Variants in HIBADH observed in about 807,000 individuals in gnomAD.
The protein encoded by HIBADH is 3-hydroxyisobutyrate dehydrogenase, also known as 3-hydroxyisobutyrate dehydrogenase, mitochondrial.
In HIBADH, 25 loss-of-function variants were observed where a neutral mutation model predicts 36.1. That is an observed-to-expected ratio of 0.69 (90% CI 0.50 to 0.97). The LOEUF (loss-of-function observed/expected upper bound fraction) is 0.97. Ranked by LOEUF, HIBADH falls within the 50% of genes least tolerant of loss-of-function variation. The pLI is 0.00. For synonymous variants in HIBADH, 160 were observed against 149.5 expected (o/e 1.07, Z -0.51); for missense variants, 421 against 418.0 (o/e 1.01, Z -0.06).
intron 4 of HIBADH, among the ~76,000 whole-genome samples, chr7:27,596,915 G>A (rs1785042624): frequency 6.6e-6 from 1 of 151,900 alleles, no homozygotes; most frequent in African/African-American, 2.4e-5. Context: ...TATATGAAAA[G>A]ATATATGAAA....
chr7:27,628,481 T>C (rs1785687343), intron 4 of HIBADH, among the ~76,000 whole-genome samples: 1 of 152,124 alleles, frequency 6.6e-6, no homozygotes, highest in Non-Finnish European at 1.5e-5. Context: ...TACACAGTAA[T>C]TTTGGAAAAC....
intron 6 of HIBADH, 46 bp from the exon 7 acceptor site, chr7:27,531,394 C>G: frequency 6.5e-7 from 1 of 1,540,040 alleles, no homozygotes; most frequent in Non-Finnish European, 8.8e-7. Flanking sequence ...AAAATGTACA[C>G]GTCGTGCGTG....
intron 6 of HIBADH, among the ~76,000 whole-genome samples, chr7:27,534,832 T>A (rs1784049958): frequency 6.6e-6 from 1 of 151,744 alleles, no homozygotes; most frequent in Admixed American, 6.6e-5. Flanking sequence ...TATCGACACC[T>A]ACTATGTGCC....
rs187543750 is a variant in HIBADH at position 27,619,061 on chromosome 7, A to G, written c.484+10310T>C. Among the ~76,000 whole-genome samples the G allele has an allele frequency of 3.3e-4, 51 of 152,318 alleles. 1 individual carries two copies. The highest frequency in any genetic ancestry group is 2.4e-3 in the Admixed American group (37 of 15,304). ...CTGTATCAATTGCCCTGGGGAACAA[A>G]GCATGCACAGCCCACTGCTGCCACC... is the stretch of plus-strand genomic sequence containing the variant. On this transcript the variant is annotated intron_variant, in intron 4 of 7. Coordinates refer to ENST00000265395, the MANE Select transcript of HIBADH (RefSeq NM_152740.4).
At chr7:27,548,222 G>A (rs1000987149) in intron 4 of HIBADH, among the ~76,000 whole-genome samples, 3 of 150,104 alleles carry the variant, frequency 2.0e-5, no homozygotes, top group Non-Finnish European at 4.4e-5. Flanking sequence ...TATCATAGAG[G>A]ACTCCATTTG....
chr7:27,534,082 C>T (rs907685850), intron 6 of HIBADH, among the ~76,000 whole-genome samples: 5 of 152,130 alleles, frequency 3.3e-5, no homozygotes, highest in African/African-American at 4.8e-5. Context: ...CTCAAATAAA[C>T]GTCACTGTGT....
chr7:27,563,444 G>A (rs1784496839), intron 4 of HIBADH, among the ~76,000 whole-genome samples: 1 of 152,192 alleles, frequency 6.6e-6, no homozygotes, highest in Admixed American at 6.5e-5. Context: ...ACTTAGATAA[G>A]TGTATGTTTA....
intron 4 of HIBADH, among the ~76,000 whole-genome samples, chr7:27,617,342 C>T (rs2128292762): frequency 6.6e-6 from 1 of 152,284 alleles, no homozygotes; most frequent in South Asian, 2.1e-4. Flanking sequence ...TGTGTAAGTA[C>T]ACTCTATGAT....
intron 1 of HIBADH, among the ~76,000 whole-genome samples, chr7:27,655,594 A>G (rs989357245): frequency 1.4e-5 from 2 of 142,048 alleles, no homozygotes; most frequent in African/African-American, 5.0e-5. Flanking sequence ...TATCACAAAC[A>G]GATAAAATAC....
chr7:27,609,045 T>C (rs1785280759), intron 4 of HIBADH, among the ~76,000 whole-genome samples: 1 of 152,212 alleles, frequency 6.6e-6, no homozygotes, highest in African/African-American at 2.4e-5. Flanking sequence ...GATAAAGGAA[T>C]TGCAAACTGC....
intron 4 of HIBADH, among the ~76,000 whole-genome samples, chr7:27,576,406 C>A (rs576639992): frequency 3.5e-4 from 53 of 152,262 alleles, no homozygotes; most frequent in African/African-American, 1.1e-3. Context: ...ATGCAAAGTA[C>A]ACAAAACCAT....
chr7:27,578,981 A>G (rs907421827), intron 4 of HIBADH, among the ~76,000 whole-genome samples: 3 of 152,164 alleles, frequency 2.0e-5, no homozygotes, highest in African/African-American at 7.2e-5. Context: ...ACTGGTCTAG[A>G]CTCCAGAAAT....
At chr7:27,606,467 C>A (rs1785230482) in intron 4 of HIBADH, among the ~76,000 whole-genome samples, 1 of 152,214 alleles carries the variant, frequency 6.6e-6, no homozygotes, top group African/African-American at 2.4e-5. Context: ...AAGTGTCCTG[C>A]AAGAGTTTCA....
At chr7:27,630,089 C>T (rs750876163) in intron 3 of HIBADH, among the ~76,000 whole-genome samples, 4 of 152,226 alleles carry the variant, frequency 2.6e-5, no homozygotes, top group Admixed American at 2.6e-4. Context: ...CTGGAAATCT[C>T]ACAGTCTTTT....
intron 4 of HIBADH, among the ~76,000 whole-genome samples, chr7:27,592,348 T>C (rs1390107609): frequency 6.6e-6 from 1 of 152,164 alleles, no homozygotes; most frequent in Non-Finnish European, 1.5e-5. Flanking sequence ...AAATGTTTGC[T>C]GGATGAAAGA....
chr7:27,528,354 A>G (rs1319682535), intron 7 of HIBADH, among the ~76,000 whole-genome samples: 1 of 152,230 alleles, frequency 6.6e-6, no homozygotes, highest in Non-Finnish European at 1.5e-5. Flanking sequence ...TTAGTGAGGA[A>G]GGCATGTAGA....
At chr7:27,653,452 C>T (rs768682892) in intron 1 of HIBADH, among the ~76,000 whole-genome samples, 8 of 152,062 alleles carry the variant, frequency 5.3e-5, no homozygotes, top group Admixed American at 2.6e-4. Flanking sequence ...AATACCATGA[C>T]CGGCCGGGCG....
intron 4 of HIBADH, among the ~76,000 whole-genome samples, chr7:27,544,433 A>G (rs1234982573): frequency 6.6e-6 from 1 of 152,214 alleles, no homozygotes; most frequent in South Asian, 2.1e-4. Context: ...CCATTTTACA[A>G]TATCTTCACT....
intron 4 of HIBADH, among the ~76,000 whole-genome samples, chr7:27,590,005 C>T (rs1327948883): frequency 1.3e-5 from 2 of 152,118 alleles, no homozygotes. Flanking sequence ...TATCTTTCCA[C>T]AATGATTACA....
Sources: gnomAD v4.1 joint callset for allele counts (sites outside exome capture counted in the v4.1 genomes callset) on GRCh38, gnomAD v4.1.1 for gene constraint, MANE v1.5 for transcripts, NCBI Gene and HGNC (gene_info 2026-07-23, HGNC 2026-07-21) for gene names.